Variants in DCC observed in about 807,000 individuals in gnomAD.
The protein encoded by DCC is DCC netrin 1 receptor.
In DCC, 58 loss-of-function variants were observed where a neutral mutation model predicts 172.5. That is an observed-to-expected ratio of 0.34 (90% confidence interval 0.27 to 0.42). The LOEUF is 0.42. Among genes scored for constraint, DCC ranks in the 10% least tolerant of loss-of-function variants. The pLI is 1.00. For synonymous variants in DCC, 709 were observed against 644.5 expected (o/e 1.10, Z -1.52); for missense variants, 1,740 against 1,791.0 (o/e 0.97, Z 0.51).
intron 1 of DCC, among the ~76,000 whole-genome samples, chr18:52,737,912 G>A (rs1252882665): frequency 6.6e-6 from 1 of 152,126 alleles, no homozygotes; most frequent in Non-Finnish European, 1.5e-5. Context: ...GAGCTTTGAT[G>A]CCCCTCGCTG....
At chr18:52,408,386 A>T (rs1430824794) in intron 1 of DCC, among the ~76,000 whole-genome samples, 1 of 152,072 alleles carries the variant, frequency 6.6e-6, no homozygotes, top group Non-Finnish European at 1.5e-5. Context: ...GAATATCTAC[A>T]ATGACAAATG....
intron 11 of DCC, among the ~76,000 whole-genome samples, chr18:53,209,536 A>G (rs142118914): frequency 4.3e-4 from 66 of 152,324 alleles, no homozygotes; most frequent in African/African-American, 1.4e-3. Context: ...ATTTCACACA[A>G]TATCAGTGAA....
chr18:52,987,360 G>T (rs1448238623), intron 5 of DCC, among the ~76,000 whole-genome samples: 2 of 152,108 alleles, frequency 1.3e-5, no homozygotes, highest in African/African-American at 4.8e-5. Flanking sequence ...ATGCCAAAAT[G>T]CAAAGCACTG....
At chr18:52,906,431 A>G in intron 3 of DCC, 103 bp downstream of exon 3, 3 of 1,180,876 alleles carry the variant, frequency 2.5e-6, no homozygotes, top group Non-Finnish European at 3.7e-6. Context: ...TAAGTTCTGT[A>G]TTGTTCATTG....
rs1195509763 is a variant in DCC, at chr18:53,340,059, CACACACACACACACACAT to C, written c.2359+166_2359+183del. On this transcript the variant is annotated intron_variant, in intron 15 of 28. Transcript: ENST00000442544. ...GCAACTGTCTATCTACACACACACA[CACACACACACACACACAT>C]ACACACACACACAGGCACACATATA... 4.4e-5 allele frequency: 22 copies of C among 498,656 alleles called. No homozygotes were observed. In the East Asian group the frequency reaches 7.8e-4, roughly 18 times the overall value. The allele number at this position is 498,656 out of a possible 1,614,324, so 30.9% of individuals were successfully genotyped here. A position where few individuals can be genotyped will look rare whatever the true frequency, so the allele number is the denominator to read the frequency against.
chr18:53,106,096 T>G (rs936274748), intron 7 of DCC, among the ~76,000 whole-genome samples: 1 of 151,784 alleles, frequency 6.6e-6, no homozygotes, highest in African/African-American at 2.4e-5. Flanking sequence ...AGTTATCAGT[T>G]AGGGGAAGCT....
intron 5 of DCC, among the ~76,000 whole-genome samples, chr18:52,985,489 T>C (rs1323271975): frequency 2.0e-5 from 3 of 152,120 alleles, no homozygotes; most frequent in Non-Finnish European, 4.4e-5. Context: ...TTTTGGAAGC[T>C]TTTACGATAT....
chr18:52,569,134 A>G (rs1230793040), intron 1 of DCC, among the ~76,000 whole-genome samples: 1 of 152,222 alleles, frequency 6.6e-6, no homozygotes, highest in Non-Finnish European at 1.5e-5. Flanking sequence ...GTTTATTGCC[A>G]GCTACATAGC....
intron 2 of DCC, among the ~76,000 whole-genome samples, chr18:52,770,742 A>G (rs2037327597): frequency 6.6e-6 from 1 of 152,238 alleles, no homozygotes; most frequent in African/African-American, 2.4e-5. Flanking sequence ...GACTTTAGTT[A>G]TCAGTGTACA....
At position 52,582,346 on chromosome 18, in the gene DCC, G is replaced by A. The variant is rs145146452; in HGVS notation, c.92-169708G>A. Among the ~76,000 whole-genome samples the A allele has an allele frequency of 1.2e-4, 18 of 152,226 alleles. No homozygotes were observed. The East Asian group carries it at 2.9e-3, about 24-fold the overall frequency. Reference sequence around the variant, plus strand: ...AGGAAGATGGCTTTCAGTTTGGCACGCACAATTTCTCTCATGCTGATGTAA... The same window carrying A: ...AGGAAGATGGCTTTCAGTTTGGCACACACAATTTCTCTCATGCTGATGTAA... On this transcript the variant is annotated intron_variant, in intron 1 of 28. Coordinates refer to ENST00000442544, the MANE Select transcript of DCC (RefSeq NM_005215.4).
Position 52,845,171 on chromosome 18 carries a change from G to A in DCC, c.413-60873G>A, listed in dbSNP as rs115767185. Reference sequence around the variant, plus strand: ...AGGTTTAAAAGCAGCCCTTAGGAGAGATCTGAGAACAATTTCCAAGAATAT... The same window carrying A: ...AGGTTTAAAAGCAGCCCTTAGGAGAAATCTGAGAACAATTTCCAAGAATAT... On this transcript the variant is annotated intron_variant, in intron 2 of 28. Coordinates refer to ENST00000442544, the MANE Select transcript of DCC (RefSeq NM_005215.4). Among the ~76,000 whole-genome samples the A allele has an allele frequency of 2.2e-3, 334 of 152,304 alleles. 2 individuals are homozygous for A. Among genetic ancestry groups the A allele is most frequent in the African/African-American group, 7.6e-3 (318 of 41,574 alleles).
intron 27 of DCC, among the ~76,000 whole-genome samples, chr18:53,526,126 T>TATCA (rs10676833): frequency 0.33 from 49,574 of 151,750 alleles, 8,468 homozygotes; most frequent in East Asian, 0.54. Context: ...AATGATAGTC[T>TATCA]ATCAAATTAG....
chr18:52,630,015 A>T (rs1215778475), intron 1 of DCC, among the ~76,000 whole-genome samples: 2 of 147,994 alleles, frequency 1.4e-5, no homozygotes, highest in Non-Finnish European at 3.0e-5. Flanking sequence ...AATCCCAGCT[A>T]CTCAGGAGGT....
chr18:52,456,949 GT>G (rs1057494777), intron 1 of DCC, among the ~76,000 whole-genome samples: 19 of 148,504 alleles, frequency 1.3e-4, no homozygotes, highest in Middle Eastern at 3.5e-3. Flanking sequence ...TTTCATACTT[GT>G]TTTTTTTTTA....
intron 5 of DCC, among the ~76,000 whole-genome samples, chr18:53,001,806 G>A (rs1201507727): frequency 6.6e-6 from 1 of 151,912 alleles, no homozygotes; most frequent in Admixed American, 6.6e-5. Flanking sequence ...ATGTGAGTGT[G>A]ACCATATGAT....
At chr18:52,606,830 G>A (rs1428118651) in intron 1 of DCC, among the ~76,000 whole-genome samples, 1 of 152,124 alleles carries the variant, frequency 6.6e-6, no homozygotes, top group African/African-American at 2.4e-5. Flanking sequence ...AAGTCATTAA[G>A]TCAATGGAAA....
At chr18:53,487,903 A>C (rs2045919719) in intron 26 of DCC, among the ~76,000 whole-genome samples, 1 of 152,180 alleles carries the variant, frequency 6.6e-6, no homozygotes. Context: ...AAGATGTAGA[A>C]AGTCTAATAA....
At chr18:53,112,096 A>G (rs1209049221) in intron 7 of DCC, among the ~76,000 whole-genome samples, 1 of 151,460 alleles carries the variant, frequency 6.6e-6, no homozygotes, top group Non-Finnish European at 1.5e-5. Flanking sequence ...GGGTAAAAAA[A>G]AACAAATCAA....
intron 13 of DCC, among the ~76,000 whole-genome samples, chr18:53,314,575 A>C (rs1387652082): frequency 6.6e-6 from 1 of 152,236 alleles, no homozygotes; most frequent in African/African-American, 2.4e-5. Flanking sequence ...ACACTTTGTT[A>C]GATATTCAGC....
Sources: gnomAD v4.1 joint callset for allele counts (sites outside exome capture counted in the v4.1 genomes callset) on GRCh38, gnomAD v4.1.1 for gene constraint, MANE v1.5 for transcripts, NCBI Gene and HGNC (gene_info 2026-07-23, HGNC 2026-07-21) for gene names.